ERCC1: variants seen among roughly 807,000 people sequenced by gnomAD.
ERCC1 encodes DNA excision repair protein ERCC-1.
ERCC1 carries 36 observed loss-of-function variants against 37.6 expected under a neutral mutation model. The observed-to-expected ratio is 0.96, with a 90% confidence interval of 0.73 to 1.26. The LOEUF (loss-of-function observed/expected upper bound fraction) is 1.26, where lower values mean the gene tolerates loss of function less well. Among genes scored for constraint, ERCC1 ranks in the 50% most tolerant of loss-of-function variants. The pLI is 0.00. For synonymous variants in ERCC1, 156 were observed against 162.1 expected (o/e 0.96, Z 0.28); for missense variants, 349 against 376.5 (o/e 0.93, Z 0.60).
chr19:45,418,371 A>G (rs1974188672), intron 5 of ERCC1, among the ~76,000 whole-genome samples: 1 of 151,952 alleles, frequency 6.6e-6, no homozygotes, highest in South Asian at 2.1e-4. Context: ...CAATCAATCA[A>G]TCAATAAAAA....
intron 6 of ERCC1, among the ~76,000 whole-genome samples, chr19:45,415,635 CAAAAAAAAAAAAA>C (rs913880423): frequency 2.1e-5 from 1 of 46,724 alleles, no homozygotes; most frequent in South Asian, 8.4e-4. Context: ...GACTCCGTCT[CAAAAAAAAAAAAA>C]AAAAAAAAAA....
intron 9 of ERCC1, chr19:45,413,327 C>T (rs575809391): frequency 5.2e-5 from 29 of 554,388 alleles, no homozygotes; most frequent in African/African-American, 4.9e-4. Flanking sequence ...AGCGTAGTAA[C>T]ATGCTTATAG....
intron 9 of ERCC1, among the ~76,000 whole-genome samples, chr19:45,411,903 C>G (rs2123456410): frequency 6.6e-6 from 1 of 151,890 alleles, no homozygotes; most frequent in African/African-American, 2.4e-5. Context: ...GTCACCCAGG[C>G]TGGAGTGCAG....
rs772550576 is a variant in ERCC1 at position 45,408,852 on chromosome 19, G to A, written c.*823C>T. ...ACCAAAAAGAGAAAGAGGCAAAAGGGGACGGAAGGGATGGAGCCAGAGGAG... is the reference window on the plus strand; with the variant it reads ...ACCAAAAAGAGAAAGAGGCAAAAGGAGACGGAAGGGATGGAGCCAGAGGAG... On this transcript the variant is annotated 3_prime_UTR_variant, in exon 10 of 10. Coordinates refer to ENST00000300853, the MANE Select transcript of ERCC1 (RefSeq NM_001983.4). 1.2e-6 allele frequency: 2 copies of A among 1,614,156 alleles called. No homozygotes were observed. Among genetic ancestry groups the A allele is most frequent in the South Asian group, 1.1e-5 (1 of 91,086 alleles).
At chr19:45,426,846 G>C (rs1353911686), upstream of ERCC1, among the ~76,000 whole-genome samples, 1 of 150,332 alleles carries the variant, frequency 6.7e-6, no homozygotes, top group African/African-American at 2.5e-5. Flanking sequence ...TGTAATCCCA[G>C]CACTTTGGAA....
At chr19:45,428,539 C>T (rs1041784516), upstream of ERCC1, among the ~76,000 whole-genome samples, 1 of 152,218 alleles carries the variant, frequency 6.6e-6, no homozygotes, top group Non-Finnish European at 1.5e-5. Flanking sequence ...AGAATTCAGC[C>T]GCAACTCCAG....
chr19:45,436,244 T>G (rs1350788548), intron 1 of ERCC1, among the ~76,000 whole-genome samples: 1 of 152,112 alleles, frequency 6.6e-6, no homozygotes, highest in Non-Finnish European at 1.5e-5. Context: ...AACTCTGCCG[T>G]TAGCGTGGAG....
chr19:45,414,638 CT>C, intron 7 of ERCC1: 1 of 518,232 alleles, frequency 1.9e-6, no homozygotes, highest in Non-Finnish European at 3.5e-6. Context: ...GAAGTCTGGG[CT>C]TTCTCTCGGG....
chr19:45,418,413 G>A (rs1036727964), intron 5 of ERCC1, among the ~76,000 whole-genome samples: 5 of 152,128 alleles, frequency 3.3e-5, no homozygotes, highest in African/African-American at 9.7e-5. Context: ...CCAGTTGCTC[G>A]AGAGGCTGAG....
chr19:45,413,369 C>G (rs184348579), intron 9 of ERCC1: 3 of 594,252 alleles, frequency 5.0e-6, no homozygotes, highest in Non-Finnish European at 8.9e-6. Flanking sequence ...TGGGCTCAAG[C>G]GATCCTCCCA....
chr19:45,421,440 A>G, intron 2 of ERCC1, 47 bp from the exon 3 acceptor site: 2 of 1,340,838 alleles, frequency 1.5e-6, no homozygotes, highest in Non-Finnish European at 2.1e-6. Context: ...GGGTGAGCAG[A>G]GGACATCTGA....
At chr19:45,411,289 C>CT (rs2123452844) in intron 9 of ERCC1, among the ~76,000 whole-genome samples, 1 of 152,246 alleles carries the variant, frequency 6.6e-6, no homozygotes, top group Admixed American at 6.5e-5. Flanking sequence ...CACTGATTTC[C>CT]TTTTTTTGGG....
At chr19:45,441,739 G>A (rs568460456) in intron 1 of ERCC1, among the ~76,000 whole-genome samples, 8 of 150,894 alleles carry the variant, frequency 5.3e-5, no homozygotes, top group Non-Finnish European at 1.2e-4. Flanking sequence ...GTGCAGTGGC[G>A]GGATCTCGGC....
intron 1 of ERCC1, among the ~76,000 whole-genome samples, chr19:45,430,989 C>T (rs906608167): frequency 3.3e-5 from 5 of 151,946 alleles, no homozygotes; most frequent in Non-Finnish European, 7.4e-5. Flanking sequence ...GGGTCTCAGC[C>T]TTCCCCAGGC....
rs1370352178 is a variant in ERCC1 at position 45,408,118 on chromosome 19, T to C, written c.*1557A>G. 2 of 1,577,816 alleles carry C rather than the reference T, an allele frequency of 1.3e-6. No individual in the cohort carries two copies. The highest frequency in any genetic ancestry group is 1.7e-6 in the Non-Finnish European group (2 of 1,157,490). ...GTTCCACTTAAGCCTCTGCCCTCCC[T>C]GTTTCTCTCTGTAGCTTCAATGGGC... On this transcript the variant is annotated 3_prime_UTR_variant, in exon 10 of 10. Coordinates refer to ENST00000300853, the MANE Select transcript of ERCC1 (RefSeq NM_001983.4).
At chr19:45,417,381 G>A (rs1186621289) in intron 5 of ERCC1, among the ~76,000 whole-genome samples, 1 of 152,178 alleles carries the variant, frequency 6.6e-6, no homozygotes, top group Admixed American at 6.5e-5. Context: ...TGGGGGATCA[G>A]GGAGGGCTTC....
chr19:45,419,872 G>GC (rs1235240195), intron 4 of ERCC1, among the ~76,000 whole-genome samples: 19 of 149,052 alleles, frequency 1.3e-4, no homozygotes, highest in African/African-American at 4.2e-4. Context: ...CAGGAATCTG[G>GC]CCCCAGCCCC....
chr19:45,428,324 C>T (rs576397922), upstream of ERCC1, among the ~76,000 whole-genome samples: 2 of 151,916 alleles, frequency 1.3e-5, no homozygotes, highest in East Asian at 3.9e-4. Flanking sequence ...GTCTCGAACT[C>T]CTGGGCTCAA....
chr19:45,411,726 G>A (rs958354198), intron 9 of ERCC1, among the ~76,000 whole-genome samples: 3 of 151,884 alleles, frequency 2.0e-5, no homozygotes, highest in East Asian at 2.0e-4. Context: ...TCCAGGAGAC[G>A]GAGGTTGCAG....
Sources: gnomAD v4.1 joint callset for allele counts (sites outside exome capture counted in the v4.1 genomes callset) on GRCh38, gnomAD v4.1.1 for gene constraint, MANE v1.5 for transcripts, NCBI Gene and HGNC (gene_info 2026-07-23, HGNC 2026-07-21) for gene names.